Variants in NTN4 observed in about 807,000 individuals in gnomAD.
NTN4 encodes the protein netrin-4.
In NTN4, 32 loss-of-function variants were observed where a neutral mutation model predicts 73.6. That is an observed-to-expected ratio of 0.44 (90% CI 0.33 to 0.58). The LOEUF (loss-of-function observed/expected upper bound fraction) is 0.58. NTN4 is among the 20% of genes least tolerant of loss of function. The probability of loss-of-function intolerance (pLI) is 0.04; values close to 1 mark genes in which losing one functional copy is unlikely to be tolerated. For synonymous variants in NTN4, 258 were observed against 287.5 expected (o/e 0.90, Z 1.04); for missense variants, 654 against 798.3 (o/e 0.82, Z 2.18).
At chr12:95,785,918 G>A (rs1300665594) in intron 2 of NTN4, among the ~76,000 whole-genome samples, 1 of 152,140 alleles carries the variant, frequency 6.6e-6, no homozygotes, top group Non-Finnish European at 1.5e-5. Flanking sequence ...GGGATGGGGT[G>A]GGGAACGCTA....
chr12:95,748,039 G>A (rs930723044), intron 2 of NTN4, among the ~76,000 whole-genome samples: 16 of 151,808 alleles, frequency 1.1e-4, no homozygotes, highest in Non-Finnish European at 2.2e-4. Flanking sequence ...AGACCAGCCT[G>A]GCCAATATGG....
rs968868683 is a variant in NTN4 at position 95,761,431 on chromosome 12, A to G, written c.586-23287T>C. Among the ~76,000 whole-genome samples, 6 of 148,944 alleles carry G rather than the reference A, an allele frequency of 4.0e-5. No homozygotes were observed. The Admixed American group carries it at 4.1e-4, about 10-fold the overall frequency. ...TTGCAACCTCCACCTCCTGGGTTCC[A>G]GCGATTCTCCCACTTCAGCCTCCAG... is the stretch of plus-strand genomic sequence containing the variant. On this transcript the variant is annotated intron_variant, in intron 2 of 9. Coordinates refer to ENST00000343702, the MANE Select transcript of NTN4 (RefSeq NM_021229.4).
rs2079201598 is a variant in NTN4 at position 95,790,533 on chromosome 12, C to T, written c.-224G>A. On this transcript the variant is annotated 5_prime_UTR_variant, in exon 1 of 10. Coordinates refer to ENST00000343702, the MANE Select transcript of NTN4 (RefSeq NM_021229.4). The surrounding 1 kb of genome is among the most constrained non-coding windows in gnomAD (Gnocchi z 6.5). The stretch of plus-strand genomic sequence containing the variant: ...CCTCGCGCACCGGCCTGGCGGGTCC[C>T]GGGCACCTGGGGGGCGGCGGGAGCC... The T allele has an allele frequency of 5.5e-6, 2 of 362,688 alleles. No homozygotes were observed. The highest frequency in any genetic ancestry group is 7.2e-4 in the Middle Eastern group (1 of 1,384). 22.5% of individuals were successfully genotyped at this position (362,688 alleles called of 1,614,324 possible).
At position 95,683,694 on chromosome 12, in the gene NTN4, C is replaced by T. The variant is rs1177494952; in HGVS notation, c.1198G>A (p.Val400Ile). 1 of 1,609,318 alleles carries T rather than the reference C, an allele frequency of 6.2e-7. No homozygotes were observed. Among genetic ancestry groups the T allele is most frequent in the Admixed American group, 1.7e-5 (1 of 59,334 alleles). The change falls in exon 6 of 10, where the codon GTA (valine) becomes ATA (isoleucine). Residue 400 changes from valine (V) to isoleucine (I), a missense_variant. Val to Ile is a conservative substitution (Grantham distance 29). Coordinates refer to ENST00000343702, the MANE Select transcript of NTN4 (RefSeq NM_021229.4). The part of the protein sequence containing the change: ...DACKPCSCHP[V>I]GSAVLPANSV... ...TTGGCAGGAAGGACAGCTGATCCTA[C>T]TGGATGGCAGGAACACGCTACAACA...
intron 5 of NTN4, among the ~76,000 whole-genome samples, chr12:95,702,183 G>A (rs1339567944): frequency 3.3e-5 from 5 of 151,754 alleles, no homozygotes; most frequent in Non-Finnish European, 7.4e-5. Context: ...GGGTGGCTGA[G>A]GCAGGAGAAT....
chr12:95,768,636 GT>G (rs2079036023), intron 2 of NTN4, among the ~76,000 whole-genome samples: 1 of 152,170 alleles, frequency 6.6e-6, no homozygotes, highest in Non-Finnish European at 1.5e-5. Flanking sequence ...CACCTGGGGA[GT>G]CACTGAAGAG....
At chr12:95,688,779 G>GGAA (rs2078381029) in intron 5 of NTN4, among the ~76,000 whole-genome samples, 2 of 138,912 alleles carry the variant, frequency 1.4e-5, no homozygotes, top group African/African-American at 5.3e-5. Context: ...AGAAGGAGGA[G>GGAA]AAAAAAAAAA....
At chr12:95,762,103 G>A (rs924923349) in intron 2 of NTN4, among the ~76,000 whole-genome samples, 2 of 152,148 alleles carry the variant, frequency 1.3e-5, no homozygotes, top group African/African-American at 4.8e-5. Context: ...AAAACGAATT[G>A]AGTTTCTTGT....
chr12:95,766,752 C>G (rs1195184376), intron 2 of NTN4, among the ~76,000 whole-genome samples: 1 of 152,216 alleles, frequency 6.6e-6, no homozygotes, highest in East Asian at 1.9e-4. Context: ...GACGGGAAGA[C>G]AGAAGGGCTC....
At chr12:95,694,918 A>C (rs1411081515) in intron 5 of NTN4, among the ~76,000 whole-genome samples, 1 of 152,194 alleles carries the variant, frequency 6.6e-6, no homozygotes, top group Non-Finnish European at 1.5e-5. Flanking sequence ...ACTTGAGGCC[A>C]GGAGTTCAAG....
At chr12:95,728,120 A>G (rs985150993) in intron 3 of NTN4, among the ~76,000 whole-genome samples, 1 of 152,178 alleles carries the variant, frequency 6.6e-6, no homozygotes, top group African/African-American at 2.4e-5. Context: ...GTATAAAAAT[A>G]TAATTGATTT....
At chr12:95,691,477 C>T (rs2078400902) in intron 5 of NTN4, among the ~76,000 whole-genome samples, 1 of 152,172 alleles carries the variant, frequency 6.6e-6, no homozygotes, top group South Asian at 2.1e-4. Context: ...CTGACTACAA[C>T]CTCCGCCTCC....
At chr12:95,720,932 G>A (rs937053000) in intron 3 of NTN4, among the ~76,000 whole-genome samples, 2 of 152,140 alleles carry the variant, frequency 1.3e-5, no homozygotes, top group African/African-American at 4.8e-5. Context: ...TCCTTTACAC[G>A]AAAACCCCAT....
intron 2 of NTN4, among the ~76,000 whole-genome samples, chr12:95,752,525 A>G (rs549338567): frequency 0.016 from 2,473 of 151,164 alleles, 39 homozygotes; most frequent in African/African-American, 0.038. Context: ...CTCTACTGCC[A>G]CAAAGCTTCA....
chr12:95,729,982 T>C (rs952716497), intron 3 of NTN4, among the ~76,000 whole-genome samples: 8 of 152,134 alleles, frequency 5.3e-5, no homozygotes, highest in African/African-American at 1.9e-4. Flanking sequence ...TGACTCCAGG[T>C]TCCCAGCTAT....
At chr12:95,666,476 T>C (rs978232892) in intron 8 of NTN4, among the ~76,000 whole-genome samples, 1 of 152,222 alleles carries the variant, frequency 6.6e-6, no homozygotes. Context: ...AGTTTTGCAC[T>C]GGCTTTATCT....
intron 2 of NTN4, among the ~76,000 whole-genome samples, chr12:95,740,578 A>G (rs1399076073): frequency 6.6e-6 from 1 of 152,178 alleles, no homozygotes; most frequent in Non-Finnish European, 1.5e-5. Flanking sequence ...TCATTTTTTA[A>G]TTAAGAACTT....
At chr12:95,679,618 T>C (rs2078300398) in intron 7 of NTN4, among the ~76,000 whole-genome samples, 1 of 152,206 alleles carries the variant, frequency 6.6e-6, no homozygotes, top group Non-Finnish European at 1.5e-5. Flanking sequence ...TATTGCCCTC[T>C]CTTGCTTCAT....
At chr12:95,699,444 G>T (rs564953212) in intron 5 of NTN4, among the ~76,000 whole-genome samples, 5 of 152,288 alleles carry the variant, frequency 3.3e-5, no homozygotes, top group African/African-American at 1.2e-4. Flanking sequence ...GAGGTAAAAT[G>T]AAATAACTGT....
Sources: gnomAD v4.1 joint callset for allele counts (sites outside exome capture counted in the v4.1 genomes callset) on GRCh38, gnomAD v4.1.1 for gene constraint, Gnocchi (gnomAD v3.1) non-coding constraint, MANE v1.5 for transcripts, NCBI Gene and HGNC (gene_info 2026-07-23, HGNC 2026-07-21) for gene names.